Variants in RABGAP1L observed in about 807,000 individuals in gnomAD.
The protein encoded by RABGAP1L is RAB GTPase activating protein 1 like.
A neutral mutation model predicts 137.7 loss-of-function variants in RABGAP1L; 63 were observed. That is an observed-to-expected ratio of 0.46 (90% CI 0.37 to 0.56). The LOEUF is 0.56. Among genes scored for constraint, RABGAP1L ranks in the 20% least tolerant of loss-of-function variants. RABGAP1L has a pLI of 0.00. For synonymous variants in RABGAP1L, 431 were observed against 433.7 expected (o/e 0.99, Z 0.08); for missense variants, 1,095 against 1,244.0 (o/e 0.88, Z 1.80).
At chr1:174,682,202 A>T (rs1338881574) in intron 14 of RABGAP1L, among the ~76,000 whole-genome samples, 1 of 151,104 alleles carries the variant, frequency 6.6e-6, no homozygotes, top group African/African-American at 2.4e-5. Context: ...AATAGCTTGA[A>T]CCTGGGAGGT....
intron 13 of RABGAP1L, among the ~76,000 whole-genome samples, chr1:174,424,251 T>G (rs989586300): frequency 6.6e-6 from 1 of 152,148 alleles, no homozygotes; most frequent in Non-Finnish European, 1.5e-5. Context: ...TACTGTGGTA[T>G]GACAATACCA....
At chr1:174,306,106 A>T (rs929277701) in intron 11 of RABGAP1L, among the ~76,000 whole-genome samples, 5 of 152,166 alleles carry the variant, frequency 3.3e-5, no homozygotes, top group African/African-American at 9.7e-5. Flanking sequence ...ATCATTTTTT[A>T]TGGCTGCATA....
chr1:174,422,373 T>C (rs1292887025), intron 13 of RABGAP1L, among the ~76,000 whole-genome samples: 1 of 150,440 alleles, frequency 6.6e-6, no homozygotes, highest in African/African-American at 2.4e-5. Flanking sequence ...AAGATTTAAG[T>C]AGATTTTTTT....
intron 10 of RABGAP1L, among the ~76,000 whole-genome samples, chr1:174,298,076 G>T (rs1294358834): frequency 6.6e-6 from 1 of 152,172 alleles, no homozygotes; most frequent in Non-Finnish European, 1.5e-5. Flanking sequence ...CCTTTTAAAG[G>T]ACTCCTAGGG....
intron 17 of RABGAP1L, among the ~76,000 whole-genome samples, chr1:174,737,008 G>T (rs895562781): frequency 2.0e-5 from 3 of 152,132 alleles, no homozygotes; most frequent in African/African-American, 7.2e-5. Flanking sequence ...TACCTTCAAG[G>T]CCTTTTGCCC....
intron 24 of RABGAP1L, among the ~76,000 whole-genome samples, chr1:174,987,302 G>C (rs1017884356): frequency 6.6e-6 from 1 of 152,112 alleles, no homozygotes; most frequent in South Asian, 2.1e-4. Flanking sequence ...GAGTAGCTGG[G>C]ACTATAGGTG....
chr1:174,419,836 T>A (rs184369848), intron 13 of RABGAP1L, among the ~76,000 whole-genome samples: 95 of 152,328 alleles, frequency 6.2e-4, no homozygotes, highest in African/African-American at 2.1e-3. Context: ...AAGCAGAAGA[T>A]GATTCTTTTG....
intron 19 of RABGAP1L, among the ~76,000 whole-genome samples, chr1:174,905,660 G>T (rs1439630312): frequency 6.6e-6 from 1 of 152,052 alleles, no homozygotes; most frequent in African/African-American, 2.4e-5. Context: ...AGACCAGCGT[G>T]GCCAACGTGA....
intron 11 of RABGAP1L, among the ~76,000 whole-genome samples, chr1:174,338,241 T>C (rs1681651337): frequency 6.6e-6 from 1 of 152,212 alleles, no homozygotes; most frequent in South Asian, 2.1e-4. Context: ...GTTAAATTTA[T>C]GATTATAGTC....
intron 24 of RABGAP1L, among the ~76,000 whole-genome samples, chr1:174,984,775 G>A (rs1671445813): frequency 6.6e-6 from 1 of 152,078 alleles, no homozygotes; most frequent in Admixed American, 6.6e-5. Flanking sequence ...AAAGTGCTAA[G>A]TTGGATCACA....
At chr1:174,285,482 A>T (rs1675976506) in intron 10 of RABGAP1L, among the ~76,000 whole-genome samples, 2 of 149,018 alleles carry the variant, frequency 1.3e-5, no homozygotes, top group African/African-American at 4.9e-5. Flanking sequence ...TTGAATGTTA[A>T]GTTTGTACCC....
intron 13 of RABGAP1L, among the ~76,000 whole-genome samples, chr1:174,587,630 G>T (rs1011572331): frequency 8.6e-5 from 13 of 151,924 alleles, no homozygotes; most frequent in Non-Finnish European, 1.5e-4. Flanking sequence ...GCAATTAAAA[G>T]AATAAAATAA....
rs1225427763 is a variant in RABGAP1L, at chr1:174,379,267, C to T, written c.1559+8195C>T. 7.2e-3 allele frequency among the ~76,000 whole-genome samples: 1,074 copies of T among 148,466 alleles called. 6 individuals carry two copies. The highest frequency in any genetic ancestry group is 8.5e-3 in the Non-Finnish European group (566 of 66,966). On this transcript the variant is annotated intron_variant, in intron 12 of 25. Transcript: ENST00000681986. The stretch of plus-strand genomic sequence containing the variant: ...TTGGCTTAGGATTGACTTGGCGATG[C>T]GGGCTGTTTTTTGGTTCCATATGAA...
At chr1:174,314,576 T>A (rs1389430016) in intron 11 of RABGAP1L, among the ~76,000 whole-genome samples, 2 of 152,184 alleles carry the variant, frequency 1.3e-5, no homozygotes, top group Admixed American at 6.5e-5. Context: ...CTCATTTTTT[T>A]AAGATGCATC....
intron 11 of RABGAP1L, among the ~76,000 whole-genome samples, chr1:174,336,046 T>C (rs898227649): frequency 1.3e-4 from 20 of 152,220 alleles, no homozygotes; most frequent in African/African-American, 4.8e-4. Context: ...TTGTATTGGC[T>C]AAAATGCTAT....
chr1:174,816,187 T>G (rs1690382866), intron 19 of RABGAP1L, among the ~76,000 whole-genome samples: 1 of 144,862 alleles, frequency 6.9e-6, no homozygotes. Flanking sequence ...AGTTTTGCTC[T>G]TGTTGCCCAG....
intron 14 of RABGAP1L, among the ~76,000 whole-genome samples, chr1:174,656,035 A>G (rs1675941619): frequency 6.6e-6 from 1 of 152,230 alleles, no homozygotes; most frequent in Non-Finnish European, 1.5e-5. Flanking sequence ...CTTACAAGTC[A>G]TCTCATTGTA....
chr1:174,363,844 A>T (rs1558167473), intron 11 of RABGAP1L, among the ~76,000 whole-genome samples: 1 of 114,292 alleles, frequency 8.7e-6, no homozygotes. Context: ...ATGATGGATC[A>T]CATTGATTTA....
At chr1:174,369,027 A>G (rs761929985) in intron 11 of RABGAP1L, among the ~76,000 whole-genome samples, 1 of 152,176 alleles carries the variant, frequency 6.6e-6, no homozygotes, top group Non-Finnish European at 1.5e-5. Context: ...ACCTTGGCAC[A>G]TTATTAGTTA....
Sources: gnomAD v4.1 joint callset for allele counts (sites outside exome capture counted in the v4.1 genomes callset) on GRCh38, gnomAD v4.1.1 for gene constraint, MANE v1.5 for transcripts, NCBI Gene and HGNC (gene_info 2026-07-23, HGNC 2026-07-21) for gene names.